The following ZNF286A variants were observed in gnomAD, a reference collection of about 807,000 sequenced individuals.
ZNF286A encodes the protein zinc finger protein 286A.
In ZNF286A, 34 loss-of-function variants were observed where a neutral mutation model predicts 49.3. The observed-to-expected ratio is 0.69, with a 90% CI of 0.52 to 0.92. The LOEUF is 0.92. Among genes scored for constraint, ZNF286A ranks in the 40% least tolerant of loss-of-function variants. The pLI is 0.00. For synonymous variants in ZNF286A, 155 were observed against 200.4 expected (o/e 0.77, Z 1.91); for missense variants, 462 against 600.2 (o/e 0.77, Z 2.41).
intron 3 of ZNF286A, chr17:15,704,719 C>A: frequency 6.2e-7 from 1 of 1,613,724 alleles, no homozygotes; most frequent in Non-Finnish European, 8.5e-7. Flanking sequence ...GAGTTTCATG[C>A]GGAACAGACC....
Position 15,716,444 on chromosome 17 carries a change from A to G in ZNF286A, c.720A>G (p.Lys240=), listed in dbSNP as rs764774847. 114 of 1,613,268 alleles carry G rather than the reference A, an allele frequency of 7.1e-5. No individual in the cohort carries two copies. Among genetic ancestry groups the G allele is most frequent in the Non-Finnish European group, 9.4e-5 (111 of 1,179,824 alleles). Residue 240 remains lysine, a synonymous_variant, in exon 6 of 6, where the codon AAA becomes AAG. Transcript: ENST00000583566. ...LMKKQRTYKE[K]KPHKCNDCGE... is the part of the protein sequence containing the mutation. ...AAAAGCAGAGAACTTATAAAGAGAAAAAACCTCATAAATGTAATGATTGTG... is the reference window on the plus strand; with the variant it reads ...AAAAGCAGAGAACTTATAAAGAGAAGAAACCTCATAAATGTAATGATTGTG...
intron 5 of ZNF286A, among the ~76,000 whole-genome samples, chr17:15,712,450 A>G (rs1266094115): frequency 1.3e-5 from 2 of 152,214 alleles, no homozygotes; most frequent in Non-Finnish European, 2.9e-5. Flanking sequence ...ACTTCAATAC[A>G]ACATGTTTAA....
At chr17:15,709,641 A>G (rs1373523449) in intron 5 of ZNF286A, among the ~76,000 whole-genome samples, 1 of 152,152 alleles carries the variant, frequency 6.6e-6, no homozygotes, top group Non-Finnish European at 1.5e-5. Context: ...ATGTAAAACA[A>G]TCTGTATGTT....
At chr17:15,701,670 C>T (rs1989784832) in intron 3 of ZNF286A, among the ~76,000 whole-genome samples, 2 of 152,082 alleles carry the variant, frequency 1.3e-5, no homozygotes, top group African/African-American at 2.4e-5. Flanking sequence ...TCACATAGTT[C>T]AAAGAAATAC....
Position 15,706,462 on chromosome 17 carries a change from G to A in ZNF286A, c.202G>A (p.Asp68Asn), listed in dbSNP as rs1356094684. ...EWGKLDPAQR[D>N]VMLENYRNLV... ...GGGGAAGCTGGATCCTGCACAAAGG[G>A]ATGTGATGCTGGAGAACTATAGGAA... Residue 68 changes from aspartate to asparagine, a missense_variant, in exon 4 of 6, where the codon GAT becomes AAT. Asp to Asn is a conservative substitution (Grantham distance 23). Transcript: ENST00000583566. 6.2e-7 allele frequency: 1 copy of A among 1,612,978 alleles called. No homozygotes were observed. Among genetic ancestry groups the A allele is most frequent in the Non-Finnish European group, 8.5e-7 (1 of 1,179,544 alleles).
chr17:15,702,939 T>C (rs1989896265), intron 3 of ZNF286A, among the ~76,000 whole-genome samples: 2 of 152,200 alleles, frequency 1.3e-5, no homozygotes, highest in African/African-American at 4.8e-5. Context: ...TTTCTCCTAG[T>C]GTTGGCCTCT....
chr17:15,703,058 G>T (rs1396708208), intron 3 of ZNF286A, among the ~76,000 whole-genome samples: 2 of 152,076 alleles, frequency 1.3e-5, no homozygotes, highest in Non-Finnish European at 2.9e-5. Flanking sequence ...GGGGTATTAG[G>T]CCCATTCCTG....
At chr17:15,710,481 A>G (rs1398823964) in intron 5 of ZNF286A, among the ~76,000 whole-genome samples, 1 of 152,172 alleles carries the variant, frequency 6.6e-6, no homozygotes, top group Non-Finnish European at 1.5e-5. Context: ...GAATAATCTT[A>G]TGTTACTGAT....
rs781208320 is a variant in ZNF286A at position 15,716,848 on chromosome 17, C to T, written c.1124C>T (p.Thr375Ile). The T allele has an allele frequency of 8.7e-6, 14 of 1,608,248 alleles. No individual in the cohort carries two copies. The highest frequency in any genetic ancestry group is 1.7e-5 in the Admixed American group (1 of 58,672). ...HSSALIKHQRTHTGEKPYKCQ... is the reference protein window; with the variant it reads ...HSSALIKHQRIHTGEKPYKCQ... The stretch of plus-strand genomic sequence containing the variant: ...TCAGCACTCATTAAACATCAAAGAA[C>T]TCATACTGGAGAGAAACCTTATAAA... The change falls in exon 6 of 6, where the codon ACT becomes ATT. Residue 375 changes from threonine to isoleucine, a missense_variant. By Grantham distance (89) the Thr-to-Ile change is moderately conservative. Coordinates refer to ENST00000583566, the MANE Select transcript of ZNF286A (RefSeq NM_001130842.2).
intron 3 of ZNF286A, among the ~76,000 whole-genome samples, chr17:15,702,953 G>A (rs1446625592): frequency 1.3e-5 from 2 of 152,120 alleles, no homozygotes; most frequent in Admixed American, 6.6e-5. Flanking sequence ...GGCCTCTAAC[G>A]AGTTTAGGCT....
chr17:15,704,888 C>T (rs1052291676), intron 3 of ZNF286A: 168 of 1,610,386 alleles, frequency 1.0e-4, no homozygotes, highest in Non-Finnish European at 1.3e-4. Flanking sequence ...AGTTTCTCCA[C>T]GTTGGAGTTC....
intron 5 of ZNF286A, 104 bp downstream of exon 5, chr17:15,708,351 T>A: frequency 1.2e-6 from 1 of 838,554 alleles, no homozygotes; most frequent in Non-Finnish European, 1.7e-6. Context: ...TATTTTTAAA[T>A]TTTTTTAAAA....
intron 5 of ZNF286A, among the ~76,000 whole-genome samples, chr17:15,715,261 CT>C (rs528506687): frequency 4.0e-5 from 6 of 150,558 alleles, no homozygotes; most frequent in Non-Finnish European, 5.9e-5. Context: ...ATTTGTACCC[CT>C]TTTTTTTCTT....
intron 5 of ZNF286A, among the ~76,000 whole-genome samples, chr17:15,715,209 C>G (rs1238616463): frequency 6.6e-6 from 1 of 151,606 alleles, no homozygotes; most frequent in Non-Finnish European, 1.5e-5. Flanking sequence ...TTCCATTTAT[C>G]CTTTTTTTAT....
rs749674074 is a variant in ZNF286A, at chr17:15,701,173, C to T, written c.59C>T (p.Pro20Leu). 31 of 1,613,966 alleles carry T rather than the reference C, an allele frequency of 1.9e-5. No individual in the cohort carries two copies. Among genetic ancestry groups the T allele is most frequent in the Middle Eastern group, 3.3e-4 (2 of 6,084 alleles). Residue 20 changes from proline to leucine, a missense_variant, in exon 3 of 6, where the codon CCC becomes CTC. This residue lies in a region of ZNF286A where 2 missense variants were observed against 16.7 expected (regional missense o/e 0.12). Coordinates refer to ENST00000583566, the MANE Select transcript of ZNF286A (RefSeq NM_001130842.2). The stretch of plus-strand genomic sequence containing the variant: ...TTAGCTCTGTCTTCCCAGGATTCTC[C>T]CCATTTCCAAGAGAAGAGCACAGAA... ...EKGALSSQDS[P>L]HFQEKSTEEG... is the part of the protein sequence containing the mutation.
chr17:15,715,354 A>C (rs1258488251), intron 5 of ZNF286A, among the ~76,000 whole-genome samples: 2 of 151,774 alleles, frequency 1.3e-5, no homozygotes, highest in South Asian at 2.1e-4. Flanking sequence ...TGGTCACCTT[A>C]TAGCAATATG....
At position 15,716,711 on chromosome 17, in the gene ZNF286A, T is replaced by C. The variant is rs747203203; in HGVS notation, c.987T>C (p.Asn329=). 2.0e-5 allele frequency: 32 copies of C among 1,613,770 alleles called. 2 individuals are homozygous for C. The highest frequency in any genetic ancestry group is 1.9e-4 in the South Asian group (17 of 91,066). ...IHVGERPYEC[N]ECGKGFNRST... Reference sequence around the variant, plus strand: ...TTGGAGAGAGACCTTATGAATGCAATGAATGTGGGAAAGGTTTTAATCGAA... The same window carrying C: ...TTGGAGAGAGACCTTATGAATGCAACGAATGTGGGAAAGGTTTTAATCGAA... Residue 329 remains asparagine, a synonymous_variant, in exon 6 of 6, where the codon AAT becomes AAC. Coordinates refer to ENST00000583566, the MANE Select transcript of ZNF286A (RefSeq NM_001130842.2).
intron 5 of ZNF286A, among the ~76,000 whole-genome samples, chr17:15,713,278 A>T (rs1203313182): frequency 6.6e-6 from 1 of 152,184 alleles, no homozygotes; most frequent in African/African-American, 2.4e-5. Context: ...AGCACAGTAT[A>T]TTTTTTTGTT....
chr17:15,716,081 C>A lies in ZNF286A; in HGVS notation c.357C>A (p.Ser119Arg). 6.2e-7 allele frequency: 1 copy of A among 1,613,838 alleles called. No homozygotes were observed. Among genetic ancestry groups the A allele is most frequent in the East Asian group, 2.2e-5 (1 of 44,872 alleles). ...SYSDMETRPQSKDSTSVQDFS... is the reference protein window; with the variant it reads ...SYSDMETRPQRKDSTSVQDFS... ...CAGACATGGAGACTAGACCACAGAG[C>A]AAGGATTCAACTTCAGTGCAAGATT... Residue 119 changes from serine to arginine, a missense_variant, in exon 6 of 6, where the codon AGC becomes AGA. Ser to Arg is a moderately radical substitution (Grantham distance 110). This residue lies in a region of ZNF286A where 259 missense variants were observed against 272.2 expected (regional missense o/e 0.95). Transcript: ENST00000583566.
Sources: gnomAD v4.1 joint callset for allele counts (sites outside exome capture counted in the v4.1 genomes callset) on GRCh38, gnomAD v4.1.1 for gene constraint, gnomAD v4.1.1 regional missense constraint, MANE v1.5 for transcripts, NCBI Gene and HGNC (gene_info 2026-07-23, HGNC 2026-07-21) for gene names.